ABLIM2: variants seen among roughly 807,000 people sequenced by gnomAD.
The protein encoded by ABLIM2 is actin-binding LIM protein 2.
In ABLIM2, 53 loss-of-function variants were observed where a neutral mutation model predicts 97.7. The ratio of observed to expected loss-of-function variants is 0.54; its 90% CI spans 0.44 to 0.68. The LOEUF (loss-of-function observed/expected upper bound fraction) is 0.68, where lower values mean the gene tolerates loss of function less well. Among genes scored for constraint, ABLIM2 ranks in the 30% least tolerant of loss-of-function variants. The pLI is 0.00. For missense variants in ABLIM2, 835 were observed against 867.2 expected (o/e 0.96, Z 0.47); for synonymous variants, 361 against 345.8 (o/e 1.04, Z -0.49).
chr4:8,044,844 A>G lies in ABLIM2; in HGVS notation c.900+320T>C, dbSNP rs895107413. ...CCGCCTGGGTGTCTGGCAAGCCCCA[A>G]CTGTCGGCTGTTGATGTGACGTGTC... On this transcript the variant is annotated intron_variant, in intron 9 of 20. Transcript: ENST00000447017. The surrounding 1 kb of genome is among the most constrained non-coding windows in gnomAD (Gnocchi z 4.4). Among the ~76,000 whole-genome samples the G allele has an allele frequency of 7.2e-5, 11 of 152,176 alleles. No individual in the cohort carries two copies. The highest frequency in any genetic ancestry group is 9.7e-5 in the African/African-American group (4 of 41,442).
intron 14 of ABLIM2, among the ~76,000 whole-genome samples, chr4:8,017,520 T>C (rs923474812): frequency 3.3e-5 from 5 of 151,966 alleles, no homozygotes; most frequent in African/African-American, 1.2e-4. Context: ...ACTCCTGAGC[T>C]CAGGCAATCG....
At chr4:7,990,227 T>C (rs1444983951) in intron 17 of ABLIM2, among the ~76,000 whole-genome samples, 1 of 152,102 alleles carries the variant, frequency 6.6e-6, no homozygotes, top group Non-Finnish European at 1.5e-5. Flanking sequence ...TGAGATGAAG[T>C]CTCGCTCTGT....
At chr4:8,013,792 T>G (rs1578657371) in intron 14 of ABLIM2, among the ~76,000 whole-genome samples, 1 of 152,154 alleles carries the variant, frequency 6.6e-6, no homozygotes, top group Non-Finnish European at 1.5e-5. Flanking sequence ...GAGAGATGCT[T>G]CCAGGGAAAG....
intron 6 of ABLIM2, among the ~76,000 whole-genome samples, chr4:8,065,520 T>C (rs1806507547): frequency 6.6e-6 from 1 of 152,212 alleles, no homozygotes; most frequent in Non-Finnish European, 1.5e-5. Flanking sequence ...ACAGTGCAGC[T>C]ACTGTGGAAG....
At chr4:8,116,360 A>C (rs1842775375) in intron 1 of ABLIM2, among the ~76,000 whole-genome samples, 1 of 152,180 alleles carries the variant, frequency 6.6e-6, no homozygotes, top group Non-Finnish European at 1.5e-5. Flanking sequence ...CACCCTGCTG[A>C]GAAGCTCCCC....
intron 3 of ABLIM2, among the ~76,000 whole-genome samples, chr4:8,090,714 T>A (rs182631299): frequency 8.5e-4 from 129 of 152,156 alleles, no homozygotes; most frequent in African/African-American, 2.8e-3. Context: ...TCTTTTTTTT[T>A]ATTTTTATTT....
chr4:8,132,159 G>A lies in ABLIM2; in HGVS notation c.11-25522C>T, dbSNP rs1025121185. On this transcript the variant is annotated intron_variant, in intron 1 of 20. Transcript: ENST00000447017. This position sits in a 1 kb window ranked among gnomAD's most constrained non-coding sequence, Gnocchi z 8.0. ...ACGACCTGGTTGGAAAGGAAACAGC[G>A]TACATGGTCCCACGAGGCTGCAATC... is the stretch of plus-strand genomic sequence containing the variant. Among the ~76,000 whole-genome samples the A allele has an allele frequency of 2.0e-5, 3 of 151,930 alleles. No individual in the cohort carries two copies. Among genetic ancestry groups the A allele is most frequent in the Admixed American group, 1.3e-4 (2 of 15,276 alleles).
chr4:8,028,230 G>A (rs979542007), intron 11 of ABLIM2, among the ~76,000 whole-genome samples: 3 of 152,186 alleles, frequency 2.0e-5, no homozygotes, highest in East Asian at 1.9e-4. Context: ...GGACTCGTCC[G>A]GCGAGATGCA....
At chr4:8,089,125 G>A (rs748269962) in intron 3 of ABLIM2, among the ~76,000 whole-genome samples, 3 of 152,138 alleles carry the variant, frequency 2.0e-5, no homozygotes, top group Non-Finnish European at 4.4e-5. Flanking sequence ...CTTAAAGTCC[G>A]CCTCCGCAGC....
chr4:8,108,251 G>C (rs1173545370), intron 1 of ABLIM2, among the ~76,000 whole-genome samples: 1 of 152,248 alleles, frequency 6.6e-6, no homozygotes, highest in Non-Finnish European at 1.5e-5. Context: ...TTGGGAGTGA[G>C]AGCCACCAAC....
intron 16 of ABLIM2, among the ~76,000 whole-genome samples, chr4:7,994,763 GTTTCCT>G (rs1751980103): frequency 1.7e-5 from 2 of 117,044 alleles, no homozygotes; most frequent in African/African-American, 2.7e-5. Flanking sequence ...AGCACCTGTT[GTTTCCT>G]GACTTCATGT....
In ABLIM2 at chr4:8,046,363, C is replaced by G. The variant is rs1376846114; in HGVS notation, c.823-1122G>C. Among the ~76,000 whole-genome samples, 1 of 152,106 alleles carries G rather than the reference C, an allele frequency of 6.6e-6. No individual in the cohort carries two copies. Among genetic ancestry groups the G allele is most frequent in the Non-Finnish European group, 1.5e-5 (1 of 68,028 alleles). On this transcript the variant is annotated intron_variant, in intron 8 of 20. Coordinates refer to ENST00000447017, the MANE Select transcript of ABLIM2 (RefSeq NM_001130083.2). The surrounding 1 kb of genome is among the most constrained non-coding windows in gnomAD (Gnocchi z 4.4). The stretch of plus-strand genomic sequence containing the variant: ...GTTCAGCTCTCACTGGAGCTGCACA[C>G]CCCTCTCCTGGTTCAGCCCTCACTC...
At chr4:8,091,926 T>C (rs1397239943) in intron 3 of ABLIM2, among the ~76,000 whole-genome samples, 2 of 126,954 alleles carry the variant, frequency 1.6e-5, no homozygotes, top group African/African-American at 3.0e-5. Flanking sequence ...TAATATATAA[T>C]GTATATTATA....
At position 8,088,209 on chromosome 4, in the gene ABLIM2, T is replaced by G; in HGVS notation, c.414A>C (p.Val138=). The G allele has an allele frequency of 6.2e-7, 1 of 1,605,486 alleles. No individual in the cohort carries two copies. The highest frequency in any genetic ancestry group is 1.1e-5 in the South Asian group (1 of 90,852). The part of the protein sequence containing the change: ...ECMCQKCSLP[V]SVGSSAHLSQ... Reference sequence around the variant, plus strand: ...ACAGGTGCGCGCTGCTGCCCACCGATACGGGCAGGGAACACTTCTGGCACA... The same window carrying G: ...ACAGGTGCGCGCTGCTGCCCACCGAGACGGGCAGGGAACACTTCTGGCACA... Residue 138 remains valine (V), a synonymous_variant, in exon 4 of 21, where the codon GTA becomes GTC. Transcript: ENST00000447017.
At chr4:8,154,276 CTTTTCTTT>C (rs1201922896) in intron 1 of ABLIM2, among the ~76,000 whole-genome samples, 1 of 82,294 alleles carries the variant, frequency 1.2e-5, no homozygotes, top group Non-Finnish European at 2.9e-5. Flanking sequence ...ATTTTCTTTT[CTTTTCTTT>C]TTTTTTTTTT....
rs1281384698 is a variant in ABLIM2 at position 8,019,076 on chromosome 4, A to T, written c.1423+542T>A. Among the ~76,000 whole-genome samples the T allele has an allele frequency of 6.6e-6, 1 of 152,206 alleles. No individual in the cohort carries two copies. The highest frequency in any genetic ancestry group is 2.4e-5 in the African/African-American group (1 of 41,454). On this transcript the variant is annotated intron_variant, in intron 14 of 20. Transcript: ENST00000447017. This position sits in a 1 kb window ranked among gnomAD's most constrained non-coding sequence, Gnocchi z 4.3. ...CCCTGCGCACCTCCCAGGCAGGTTC[A>T]CGTGGAGCAGAGCTGGGCGTCAGCT...
In ABLIM2 at chr4:8,027,748, G is replaced by A; in HGVS notation, c.1267+11C>T. ...ATGAGCACCCACAGCCCACATCACT[G>A]CGTGCCTTACCTCGGAAGTAGGGGA... is the stretch of plus-strand genomic sequence containing the variant. On this transcript the variant is annotated intron_variant, in intron 12 of 20. Transcript: ENST00000447017. 6.4e-7 allele frequency: 1 copy of A among 1,567,512 alleles called. No individual in the cohort carries two copies. The highest frequency in any genetic ancestry group is 8.6e-7 in the Non-Finnish European group (1 of 1,156,418).
chr4:8,037,676 C>G (rs1298314741), intron 9 of ABLIM2, among the ~76,000 whole-genome samples: 1 of 152,174 alleles, frequency 6.6e-6, no homozygotes, highest in Non-Finnish European at 1.5e-5. Flanking sequence ...TTCACATTCA[C>G]CACCCCCCAT....
intron 3 of ABLIM2, among the ~76,000 whole-genome samples, chr4:8,090,831 G>A (rs958329370): frequency 6.6e-5 from 10 of 151,956 alleles, no homozygotes; most frequent in Non-Finnish European, 1.0e-4. Flanking sequence ...CTTTGAGGAC[G>A]GAGCAGTGTC....
Sources: allele counts gnomAD v4.1 joint callset (sites outside exome capture counted in the v4.1 genomes callset), GRCh38; gene constraint gnomAD v4.1.1; non-coding constraint Gnocchi (gnomAD v3.1); transcripts MANE v1.5; gene names NCBI Gene and HGNC (gene_info 2026-07-23, HGNC 2026-07-21).